Variants in INPP5D observed in about 807,000 individuals in gnomAD.
INPP5D encodes inositol polyphosphate-5-phosphatase D, also known as phosphatidylinositol 3,4,5-trisphosphate 5-phosphatase 1.
In INPP5D, 33 loss-of-function variants were observed where a neutral mutation model predicts 122.9. That is an observed-to-expected ratio of 0.27 (90% CI 0.20 to 0.36). INPP5D has a LOEUF of 0.36. INPP5D is among the 10% of genes least tolerant of loss of function. The probability of loss-of-function intolerance (pLI) is 1.00; values close to 1 mark genes in which losing one functional copy is unlikely to be tolerated. For synonymous variants in INPP5D, 584 were observed against 576.2 expected, an observed-to-expected ratio of 1.01 and a Z score of -0.19; for missense variants, 1,053 against 1,412.7, an observed-to-expected ratio of 0.75 and a Z score of 4.08.
intron 23 of INPP5D, 27 bp from the exon 24 acceptor site, chr2:233,195,372 T>G (rs1472583400): frequency 6.2e-7 from 1 of 1,613,566 alleles, no homozygotes; most frequent in Non-Finnish European, 8.5e-7. Context: ...GGCCCTCACA[T>G]GCTCTTTCCC....
chr2:233,111,547 G>C (rs910207699), intron 2 of INPP5D, among the ~76,000 whole-genome samples: 1 of 152,166 alleles, frequency 6.6e-6, no homozygotes, highest in African/African-American at 2.4e-5. Context: ...GACTGTCCCT[G>C]TCCCTCAATT....
At chr2:233,102,478 A>C (rs1184940392) in intron 2 of INPP5D, among the ~76,000 whole-genome samples, 1 of 152,162 alleles carries the variant, frequency 6.6e-6, no homozygotes, top group African/African-American at 2.4e-5. Context: ...GAGGCACAGA[A>C]TGTTTTGGCA....
chr2:233,072,407 T>G (rs1691405380), intron 1 of INPP5D, among the ~76,000 whole-genome samples: 1 of 152,244 alleles, frequency 6.6e-6, no homozygotes, highest in African/African-American at 2.4e-5. Flanking sequence ...TTTTTTATTG[T>G]ACTCTGAAAC....
intron 2 of INPP5D, among the ~76,000 whole-genome samples, chr2:233,095,302 C>T (rs1371468302): frequency 6.6e-6 from 1 of 152,190 alleles, no homozygotes; most frequent in Non-Finnish European, 1.5e-5. Context: ...TAGGATCTCA[C>T]TGTGTTGCCC....
chr2:233,114,127 C>T (rs1271701037), intron 2 of INPP5D, among the ~76,000 whole-genome samples: 3 of 152,150 alleles, frequency 2.0e-5, no homozygotes, highest in Non-Finnish European at 2.9e-5. Flanking sequence ...CCAGGATGGT[C>T]TCGATCTCCT....
chr2:233,178,529 C>T (rs1694703531), intron 18 of INPP5D, among the ~76,000 whole-genome samples: 2 of 151,916 alleles, frequency 1.3e-5, no homozygotes, highest in Non-Finnish European at 2.9e-5. Flanking sequence ...GTCGCCCAGG[C>T]TGGAGTACAG....
chr2:233,095,448 C>A (rs1386876090), intron 2 of INPP5D, among the ~76,000 whole-genome samples: 2 of 152,004 alleles, frequency 1.3e-5, no homozygotes, highest in Admixed American at 1.3e-4. Flanking sequence ...GGTAAAACCC[C>A]ATCTCTACTA....
chr2:233,102,891 A>G (rs1692359104), intron 2 of INPP5D, among the ~76,000 whole-genome samples: 1 of 151,334 alleles, frequency 6.6e-6, no homozygotes, highest in Non-Finnish European at 1.5e-5. Context: ...GCGCCTTCTC[A>G]CTACAAAGCC....
intron 1 of INPP5D, chr2:233,076,233 A>G (rs886833049): frequency 9.2e-5 from 14 of 152,248 alleles, no homozygotes; most frequent in African/African-American, 3.1e-4. Context: ...GGAAGAGAGC[A>G]TTGAAAAATA....
intron 25 of INPP5D, among the ~76,000 whole-genome samples, chr2:233,201,575 G>C (rs1027070724): frequency 6.6e-6 from 1 of 152,232 alleles, no homozygotes; most frequent in African/African-American, 2.4e-5. Flanking sequence ...CTGTGGAAGG[G>C]GGTGTTCCAA....
At chr2:233,071,355 C>G (rs902066622) in intron 1 of INPP5D, among the ~76,000 whole-genome samples, 1 of 151,940 alleles carries the variant, frequency 6.6e-6, no homozygotes, top group East Asian at 1.9e-4. Context: ...CCCAAAACCT[C>G]TTACTGAATA....
rs115439055 is a variant in INPP5D at position 233,119,371 on chromosome 2, T to C, written c.199-2736T>C. On this transcript the variant is annotated intron_variant, in intron 2 of 26. Transcript: ENST00000445964. ...ACTTTTCACGACTGCTTTAACTGAA[T>C]TGAGTTCATAGATCTTGTATCATGT... 3.2e-3 allele frequency among the ~76,000 whole-genome samples: 492 copies of C among 152,346 alleles called. 3 individuals carry two copies. Among genetic ancestry groups the C allele is most frequent in the Non-Finnish European group, 4.0e-3 (272 of 68,032 alleles).
At chr2:233,103,616 G>A (rs1055434326) in intron 2 of INPP5D, among the ~76,000 whole-genome samples, 1 of 152,102 alleles carries the variant, frequency 6.6e-6, no homozygotes. Context: ...CACTTCCAGG[G>A]CAAGTCACTT....
Position 233,198,339 on chromosome 2 carries a change from G to A in INPP5D, c.2938G>A (p.Ala980Thr). Residue 980 changes from alanine to threonine, a missense_variant, in exon 25 of 27, where the codon GCA becomes ACA. Ala to Thr is a moderately conservative substitution (Grantham distance 58, BLOSUM62 0). Coordinates refer to ENST00000445964, the MANE Select transcript of INPP5D (RefSeq NM_001017915.3). The stretch of plus-strand genomic sequence containing the variant: ...ACCCAAGAAGTTTTTACCCTCAACA[G>A]CAAACCGGGGTCTCCCTCCCAGGAC... ...ISPKKFLPSTANRGLPPRTQE... is the reference protein window; with the variant it reads ...ISPKKFLPSTTNRGLPPRTQE... 1 of 1,613,572 alleles carries A rather than the reference G, an allele frequency of 6.2e-7. No individual in the cohort carries two copies. The highest frequency in any genetic ancestry group is 8.5e-7 in the Non-Finnish European group (1 of 1,179,750).
chr2:233,194,283 G>A (rs1423307482), intron 23 of INPP5D, among the ~76,000 whole-genome samples: 1 of 152,024 alleles, frequency 6.6e-6, no homozygotes, highest in African/African-American at 2.4e-5. Context: ...TGTACCAAGC[G>A]AACCTACGTC....
At chr2:233,157,312 G>C (rs1290009458) in intron 9 of INPP5D, among the ~76,000 whole-genome samples, 1 of 152,120 alleles carries the variant, frequency 6.6e-6, no homozygotes, top group South Asian at 2.1e-4. Context: ...GGCCCTTGAA[G>C]TCACCAGTCC....
chr2:233,178,846 C>G (rs1041900982), intron 18 of INPP5D, among the ~76,000 whole-genome samples: 1 of 152,202 alleles, frequency 6.6e-6, no homozygotes. Flanking sequence ...GATGGCCACC[C>G]CAGTCCTTGG....
chr2:233,119,354 C>T lies in INPP5D; in HGVS notation c.199-2753C>T, dbSNP rs141089250. The stretch of plus-strand genomic sequence containing the variant: ...TTTTTTGACAGTCTGACACTTTTCA[C>T]GACTGCTTTAACTGAATTGAGTTCA... On this transcript the variant is annotated intron_variant, in intron 2 of 26. Coordinates refer to ENST00000445964, the MANE Select transcript of INPP5D (RefSeq NM_001017915.3). 4.5e-3 allele frequency among the ~76,000 whole-genome samples: 678 copies of T among 152,264 alleles called. 2 individuals carry two copies. The highest frequency in any genetic ancestry group is 0.016 in the African/African-American group (657 of 41,554).
At chr2:233,117,540 C>T (rs974571138) in intron 2 of INPP5D, among the ~76,000 whole-genome samples, 3 of 152,176 alleles carry the variant, frequency 2.0e-5, no homozygotes, top group East Asian at 1.9e-4. Flanking sequence ...GAGGCCACAG[C>T]GCCTGCTGGG....
Sources: allele counts gnomAD v4.1 joint callset (sites outside exome capture counted in the v4.1 genomes callset), GRCh38; gene constraint gnomAD v4.1.1; transcripts MANE v1.5; gene names NCBI Gene and HGNC (gene_info 2026-07-23, HGNC 2026-07-21).